PCDH9: variants seen among roughly 807,000 people sequenced by gnomAD.
PCDH9 encodes the protein protocadherin-9.
PCDH9 carries 24 observed loss-of-function variants against 70.6 expected under a neutral mutation model. That is an observed-to-expected ratio of 0.34 (90% CI 0.25 to 0.48). PCDH9 has a LOEUF of 0.48. Among genes scored for constraint, PCDH9 ranks in the 20% least tolerant of loss-of-function variants. The probability of loss-of-function intolerance (pLI) is 0.99; values close to 1 mark genes in which losing one functional copy is unlikely to be tolerated. For synonymous variants in PCDH9, 562 were observed against 558.5 expected (o/e 1.01, Z -0.09); for missense variants, 1,281 against 1,503.6 (o/e 0.85, Z 2.45).
At chr13:66,790,070 A>G (rs910202767) in intron 3 of PCDH9, among the ~76,000 whole-genome samples, 1 of 152,134 alleles carries the variant, frequency 6.6e-6, no homozygotes, top group Non-Finnish European at 1.5e-5. Flanking sequence ...TTTTGTTTCC[A>G]TGATTAATAA....
At chr13:66,662,502 T>C (rs74553136) in intron 3 of PCDH9, among the ~76,000 whole-genome samples, 3,124 of 151,992 alleles carry the variant, frequency 0.021, 124 homozygotes, top group African/African-American at 0.072. Flanking sequence ...ACATAAATGA[T>C]TCAAAATCAA....
At chr13:66,640,073 C>A (rs183468984) in intron 3 of PCDH9, among the ~76,000 whole-genome samples, 256 of 152,156 alleles carry the variant, frequency 1.7e-3, no homozygotes, top group Non-Finnish European at 3.0e-3. Context: ...TTACCCTTAC[C>A]ATATTTACAA....
intron 4 of PCDH9, among the ~76,000 whole-genome samples, chr13:66,459,813 T>G (rs1958389484): frequency 6.6e-6 from 1 of 152,014 alleles, no homozygotes; most frequent in Non-Finnish European, 1.5e-5. Context: ...TACAGTTAGC[T>G]CTGGGCTTGC....
intron 3 of PCDH9, among the ~76,000 whole-genome samples, chr13:66,698,284 C>A (rs1328345916): frequency 2.0e-5 from 3 of 152,080 alleles, no homozygotes; most frequent in Admixed American, 6.6e-5. Flanking sequence ...TTCATGTTAT[C>A]TGTATTGTAC....
intron 4 of PCDH9, among the ~76,000 whole-genome samples, chr13:66,439,095 A>G (rs1957929422): frequency 6.6e-6 from 1 of 152,168 alleles, no homozygotes; most frequent in African/African-American, 2.4e-5. Context: ...ATGAGATTAA[A>G]TAGCTGTTTC....
intron 4 of PCDH9, among the ~76,000 whole-genome samples, chr13:66,401,216 C>T (rs1203821461): frequency 6.6e-6 from 1 of 151,972 alleles, no homozygotes; most frequent in Non-Finnish European, 1.5e-5. Context: ...AATTGTAGTC[C>T]GAATTGTAAT....
intron 2 of PCDH9, among the ~76,000 whole-genome samples, chr13:67,066,994 AC>A (rs1325916786): frequency 2.0e-5 from 3 of 152,218 alleles, no homozygotes; most frequent in Non-Finnish European, 4.4e-5. Flanking sequence ...TTGCCTATTA[AC>A]AGTGTAGAAC....
At chr13:66,775,874 T>C (rs1327011172) in intron 3 of PCDH9, among the ~76,000 whole-genome samples, 3 of 152,104 alleles carry the variant, frequency 2.0e-5, no homozygotes, top group African/African-American at 7.2e-5. Context: ...GTTGACCCTT[T>C]AGATGAAGAC....
At chr13:66,893,024 A>G (rs1177747048) in intron 3 of PCDH9, among the ~76,000 whole-genome samples, 4 of 152,162 alleles carry the variant, frequency 2.6e-5, no homozygotes, top group African/African-American at 4.8e-5. Flanking sequence ...CTAGGCCAGT[A>G]TTCTCCAAAA....
chr13:66,732,039 C>G (rs1274786298), intron 3 of PCDH9, among the ~76,000 whole-genome samples: 1 of 151,846 alleles, frequency 6.6e-6, no homozygotes, highest in African/African-American at 2.4e-5. Context: ...ATTTTCCTTC[C>G]ATATTCAAGA....
intron 2 of PCDH9, among the ~76,000 whole-genome samples, chr13:67,018,524 G>C (rs1218877252): frequency 2.7e-5 from 4 of 150,622 alleles, no homozygotes; most frequent in Non-Finnish European, 5.9e-5. Flanking sequence ...GAGGCTGAGA[G>C]AGGAGAATTG....
At chr13:66,852,780 T>G (rs1016661357) in intron 3 of PCDH9, among the ~76,000 whole-genome samples, 8 of 150,076 alleles carry the variant, frequency 5.3e-5, no homozygotes, top group Admixed American at 4.0e-4. Flanking sequence ...GTAGACGGTG[T>G]ACCATGTAAT....
At chr13:67,152,636 C>T (rs1178220416) in intron 2 of PCDH9, among the ~76,000 whole-genome samples, 1 of 152,160 alleles carries the variant, frequency 6.6e-6, no homozygotes, top group Non-Finnish European at 1.5e-5. Flanking sequence ...AAAGCTTGTT[C>T]AAAGGCGTGA....
chr13:66,861,418 T>C (rs560788163), intron 3 of PCDH9, among the ~76,000 whole-genome samples: 8 of 152,274 alleles, frequency 5.3e-5, no homozygotes, highest in African/African-American at 1.9e-4. Context: ...TGTCACACAT[T>C]ATCTAAAAGA....
At chr13:67,108,037 G>T (rs574473358) in intron 2 of PCDH9, among the ~76,000 whole-genome samples, 1 of 152,198 alleles carries the variant, frequency 6.6e-6, no homozygotes, top group South Asian at 2.1e-4. Context: ...GGAGCTGCCC[G>T]TCCTGCCACA....
chr13:66,522,263 C>T (rs919587523), intron 4 of PCDH9, among the ~76,000 whole-genome samples: 1 of 151,606 alleles, frequency 6.6e-6, no homozygotes, highest in South Asian at 2.1e-4. Flanking sequence ...TAAAATAATA[C>T]ATGACTGGGA....
chr13:66,515,124 G>C (rs1350960698), intron 4 of PCDH9, among the ~76,000 whole-genome samples: 1 of 151,970 alleles, frequency 6.6e-6, no homozygotes, highest in African/African-American at 2.4e-5. Flanking sequence ...AAGAACAAAG[G>C]CTCAGAAAGG....
chr13:66,802,559 T>C (rs1257749981), intron 3 of PCDH9, among the ~76,000 whole-genome samples: 5 of 152,084 alleles, frequency 3.3e-5, no homozygotes, highest in African/African-American at 1.2e-4. Flanking sequence ...GTACTATCCA[T>C]TTCATTGGTT....
At position 66,635,838 on chromosome 13, in the gene PCDH9, C is replaced by T. The variant is rs1242025690; in HGVS notation, c.3139-4427G>A. 2.6e-5 allele frequency among the ~76,000 whole-genome samples: 4 copies of T among 152,050 alleles called. No individual in the cohort carries two copies. In the East Asian group the frequency reaches 5.8e-4, roughly 22 times the overall value. ...TGTGCAAGGATTTGGTGGTAAATGT[C>T]ATTGTTTTCTGCATAAAATAGTCTA... On this transcript the variant is annotated intron_variant, in intron 3 of 4. Transcript: ENST00000377865.
Sources: allele counts gnomAD v4.1 joint callset (sites outside exome capture counted in the v4.1 genomes callset), GRCh38; gene constraint gnomAD v4.1.1; transcripts MANE v1.5; gene names NCBI Gene and HGNC (gene_info 2026-07-23, HGNC 2026-07-21).